The following GGA2 variants were observed in gnomAD, a reference collection of about 807,000 sequenced individuals.
GGA2 encodes the protein ADP-ribosylation factor-binding protein GGA2.
A neutral mutation model predicts 79.5 loss-of-function variants in GGA2; 48 were observed. The ratio of observed to expected loss-of-function variants is 0.60; its 90% CI spans 0.48 to 0.77. The LOEUF (loss-of-function observed/expected upper bound fraction) is 0.77, where lower values mean the gene tolerates loss of function less well. Ranked by LOEUF, GGA2 falls within the 30% of genes least tolerant of loss-of-function variation. The probability of loss-of-function intolerance (pLI) is 0.00; values close to 1 mark genes in which losing one functional copy is unlikely to be tolerated. For missense variants in GGA2, 770 were observed against 774.0 expected (o/e 0.99, Z 0.06); for synonymous variants, 317 against 302.0 (o/e 1.05, Z -0.51).
At chr16:23,472,591 C>A (rs2142114549) in intron 14 of GGA2, among the ~76,000 whole-genome samples, 1 of 151,714 alleles carries the variant, frequency 6.6e-6, no homozygotes, top group South Asian at 2.1e-4. Flanking sequence ...GCCTGTAGTC[C>A]CAGCTACTTG....
chr16:23,515,061 T>C (rs79897703), upstream of GGA2, among the ~76,000 whole-genome samples: 637 of 152,068 alleles, frequency 4.2e-3, 2 homozygotes, highest in Non-Finnish European at 6.4e-3. Context: ...TGTGCAGGCA[T>C]TGTGATTAGA....
intron 1 of GGA2, among the ~76,000 whole-genome samples, chr16:23,497,962 A>G (rs1360014924): frequency 6.6e-6 from 1 of 152,080 alleles, no homozygotes; most frequent in Non-Finnish European, 1.5e-5. Context: ...AACGAGACCC[A>G]ATCTCCACAG....
intron 1 of GGA2, among the ~76,000 whole-genome samples, chr16:23,499,203 G>T (rs1301933028): frequency 6.7e-6 from 1 of 150,146 alleles, no homozygotes; most frequent in African/African-American, 2.5e-5. Context: ...GGTGTGCAGC[G>T]GCACAATCTC....
intron 1 of GGA2, chr16:23,501,209 C>G: frequency 2.2e-6 from 1 of 450,262 alleles, no homozygotes; most frequent in Non-Finnish European, 4.5e-6. Context: ...AACTACAGCT[C>G]CATGTGCAAT....
Position 23,478,251 on chromosome 16 carries a change from A to G in GGA2, c.1292+117T>C, listed in dbSNP as rs1023068688. 1.8e-5 allele frequency: 12 copies of G among 680,340 alleles called. No individual in the cohort carries two copies. In the African/African-American group the frequency reaches 2.0e-4, roughly 12 times the overall value. The allele number at this position is 680,340 out of a possible 1,614,324, so 42.1% of individuals were successfully genotyped here. On this transcript the variant is annotated intron_variant, in intron 13 of 16. Transcript: ENST00000309859. Reference sequence around the variant, plus strand: ...AAAAAAAAAAAAAAGAAAGAAAGAAAGATGTTTCTCCAGGGCGAGAGGCTG... The same window carrying G: ...AAAAAAAAAAAAAAGAAAGAAAGAAGGATGTTTCTCCAGGGCGAGAGGCTG...
chr16:23,486,075 C>T lies in GGA2; in HGVS notation c.738G>A (p.Gln246=), dbSNP rs147821763. ...EEVRSHVKVL[Q]EMLSMYRRPG... is the part of the protein sequence containing the mutation. The stretch of plus-strand genomic sequence containing the variant: ...GCCTGCGGTACATGCTCAGCATCTC[C>T]TGCAGCACCTTCACATGGCTTCGCA... The change falls in exon 8 of 17, where the codon CAG becomes CAA. Residue 246 remains glutamine (Q), a synonymous_variant. Transcript: ENST00000309859. 35 of 1,614,038 alleles carry T rather than the reference C, an allele frequency of 2.2e-5. No homozygotes were observed. The highest frequency in any genetic ancestry group is 3.0e-5 in the Non-Finnish European group (35 of 1,179,974).
chr16:23,510,506 G>A (rs139883655), upstream of GGA2: 2,595 of 459,582 alleles, frequency 5.6e-3, 59 homozygotes, highest in African/African-American at 0.048. Context: ...CGGCAGGAGC[G>A]GTGGACACGT....
chr16:23,524,201 C>T (rs1029191438), upstream of GGA2: 23 of 665,174 alleles, frequency 3.5e-5, no homozygotes, highest in Non-Finnish European at 5.6e-5. Flanking sequence ...TTGACAAAAA[C>T]GTGCCTGTGG....
intron 13 of GGA2, 113 bp downstream of exon 13, chr16:23,478,255 G>A: frequency 1.8e-6 from 1 of 559,550 alleles, no homozygotes; most frequent in East Asian, 3.5e-5. Flanking sequence ...AAAGAAAGAT[G>A]TTTCTCCAGG....
chr16:23,475,292 C>T (rs1212647911), intron 13 of GGA2, among the ~76,000 whole-genome samples: 5 of 150,666 alleles, frequency 3.3e-5, no homozygotes, highest in Non-Finnish European at 7.4e-5. Context: ...CAGGCTCAAG[C>T]GATTCTCCTG....
chr16:23,518,105 A>C (rs4968015), intron 2 of GGA2, among the ~76,000 whole-genome samples: 5 of 151,570 alleles, frequency 3.3e-5, no homozygotes, highest in Non-Finnish European at 7.4e-5. Flanking sequence ...TAGAGACGGC[A>C]TTTCACCATG....
chr16:23,465,401 G>C lies in GGA2; in HGVS notation c.*2189C>G, dbSNP rs1026952926. On this transcript the variant is annotated 3_prime_UTR_variant, in exon 17 of 17. Transcript: ENST00000309859. Reference sequence around the variant, plus strand: ...ACAGCCACTTTCAGGACAGCAGCCTGCCTCCTCTCCTCCTACCCCTATCCT... The same window carrying C: ...ACAGCCACTTTCAGGACAGCAGCCTCCCTCCTCTCCTCCTACCCCTATCCT... 2 of 702,912 alleles carry C rather than the reference G, an allele frequency of 2.8e-6. No individual in the cohort carries two copies. Among genetic ancestry groups the C allele is most frequent in the African/African-American group, 1.7e-5 (1 of 57,266 alleles). 43.5% of individuals were successfully genotyped at this position (702,912 alleles called of 1,614,324 possible). A position where few individuals can be genotyped will look rare whatever the true frequency, so the allele number is the denominator to read the frequency against.
intron 13 of GGA2, among the ~76,000 whole-genome samples, chr16:23,475,322 T>TGGGATTACAGGCACCTGCCACCATGTCC (rs1188577858): frequency 2.6e-5 from 4 of 151,520 alleles, no homozygotes; most frequent in Non-Finnish European, 5.9e-5. Flanking sequence ...CCCGAGTAGC[T>TGGGATTACAGGCACCTGCCACCATGTCC]GGGATTACAG....
intron 1 of GGA2, among the ~76,000 whole-genome samples, chr16:23,520,118 T>C (rs1040599808): frequency 8.6e-5 from 13 of 152,014 alleles, no homozygotes; most frequent in Non-Finnish European, 1.6e-4. Flanking sequence ...TGGCGGCACA[T>C]GGCACATGCC....
chr16:23,495,567 G>A (rs1964844206), intron 2 of GGA2, 127 bp downstream of exon 2: 1 of 494,532 alleles, frequency 2.0e-6, no homozygotes. Flanking sequence ...AAACTGTTGG[G>A]ATTATAGGCA....
At chr16:23,511,643 G>A (rs2142149276), upstream of GGA2, among the ~76,000 whole-genome samples, 1 of 151,818 alleles carries the variant, frequency 6.6e-6, no homozygotes, top group South Asian at 2.1e-4. Context: ...TCAATACTCT[G>A]CTTTATTTTC....
intron 1 of GGA2, among the ~76,000 whole-genome samples, chr16:23,497,177 CTGA>C (rs749055997): frequency 1.3e-5 from 2 of 151,974 alleles, no homozygotes; most frequent in Non-Finnish European, 2.9e-5. Context: ...CCCAGCCTCT[CTGA>C]TGAGAAACCG....
chr16:23,473,193 A>G (rs915399029), intron 14 of GGA2, among the ~76,000 whole-genome samples: 2 of 152,002 alleles, frequency 1.3e-5, no homozygotes, highest in African/African-American at 4.8e-5. Context: ...AAAACATTCT[A>G]TACACACTGT....
intron 11 of GGA2, 126 bp downstream of exon 11, chr16:23,479,639 C>T: frequency 9.0e-7 from 1 of 1,111,288 alleles, no homozygotes; most frequent in Non-Finnish European, 1.3e-6. Flanking sequence ...AGGGAACCAG[C>T]TCACTCTTCC....
Sources: allele counts gnomAD v4.1 joint callset (sites outside exome capture counted in the v4.1 genomes callset), GRCh38; gene constraint gnomAD v4.1.1; transcripts MANE v1.5; gene names NCBI Gene and HGNC (gene_info 2026-07-23, HGNC 2026-07-21).